Variants in ACYP2 observed in about 807,000 individuals in gnomAD.
ACYP2 encodes acylphosphatase 2.
ACYP2 carries 12 observed loss-of-function variants against 11.2 expected under a neutral mutation model. The observed-to-expected ratio is 1.08, with a 90% CI of 0.69 to 1.74. The LOEUF (loss-of-function observed/expected upper bound fraction) is 1.74. ACYP2 is among the 40% of genes most tolerant of loss of function. The pLI is 0.00. For synonymous variants in ACYP2, 43 were observed against 32.2 expected, an observed-to-expected ratio of 1.33 and a Z score of -1.13; for missense variants, 134 against 101.9, an observed-to-expected ratio of 1.31 and a Z score of -1.35.
intron 5 of ACYP2, 48 bp from the exon 3 acceptor site, chr2:54,138,591 C>T: frequency 6.8e-7 from 1 of 1,472,018 alleles, no homozygotes; most frequent in Non-Finnish European, 9.4e-7. Flanking sequence ...GTTATGAACT[C>T]AGACTTTTGA....
At chr2:54,147,482 T>A (rs1185145205) in intron 6 of ACYP2, among the ~76,000 whole-genome samples, 2 of 152,006 alleles carry the variant, frequency 1.3e-5, no homozygotes, top group Middle Eastern at 3.2e-3. Context: ...GTCTGTAACA[T>A]CCTTTGGTTT....
intron 2 of ACYP2, among the ~76,000 whole-genome samples, chr2:54,023,131 A>G (rs774404119): frequency 1.6e-4 from 25 of 152,222 alleles, no homozygotes; most frequent in Admixed American, 6.5e-5. Flanking sequence ...CCCAGCGTGC[A>G]TAGCCTCATA....
At chr2:54,245,084 A>T (rs843648) in intron 6 of ACYP2, among the ~76,000 whole-genome samples, 75,842 of 151,816 alleles carry the variant, frequency 0.5, 19,383 homozygotes, top group East Asian at 0.67. Context: ...TTTACTTCTA[A>T]GAGATTGGCT....
intron 6 of ACYP2, among the ~76,000 whole-genome samples, chr2:54,157,360 A>T (rs1682480295): frequency 6.6e-6 from 1 of 152,226 alleles, no homozygotes; most frequent in South Asian, 2.1e-4. Flanking sequence ...ACTGTATTGT[A>T]TATTGTGGAT....
rs1682742981 is a variant in ACYP2 at position 54,162,121 on chromosome 2, G to A, written c.404+23373G>A. Reference sequence around the variant, plus strand: ...AGTCATTTCTCAAATGCATCTTAAAGTTGTATTTTATCTCACAGTATTTAA... The same window carrying A: ...AGTCATTTCTCAAATGCATCTTAAAATTGTATTTTATCTCACAGTATTTAA... On this transcript the variant is annotated intron_variant, in intron 6 of 6. Transcript: ENST00000607452. Among the ~76,000 whole-genome samples, 4 of 152,078 alleles carry A rather than the reference G, an allele frequency of 2.6e-5. No individual in the cohort carries two copies. The South Asian group carries it at 8.3e-4, about 31-fold the overall frequency.
At chr2:54,243,489 TGTTC>T (rs923956032) in intron 6 of ACYP2, among the ~76,000 whole-genome samples, 8 of 152,072 alleles carry the variant, frequency 5.3e-5, no homozygotes, top group East Asian at 1.9e-4. Flanking sequence ...TTTATTTATT[TGTTC>T]ATTCATTCAT....
chr2:53,995,393 AT>A (rs1354417348), intron 2 of ACYP2, among the ~76,000 whole-genome samples: 16 of 152,056 alleles, frequency 1.1e-4, no homozygotes, highest in Non-Finnish European at 4.4e-5. Context: ...ACATTTCTTC[AT>A]TTTCTAGTGC....
At chr2:53,984,304 G>C (rs934962023) in intron 2 of ACYP2, among the ~76,000 whole-genome samples, 6 of 152,128 alleles carry the variant, frequency 3.9e-5, no homozygotes, top group African/African-American at 9.7e-5. Flanking sequence ...CTGGCCAGGC[G>C]AGGCAGCTTA....
chr2:54,023,441 A>G (rs1674108341), intron 2 of ACYP2, among the ~76,000 whole-genome samples: 1 of 152,072 alleles, frequency 6.6e-6, no homozygotes, highest in African/African-American at 2.4e-5. Context: ...AGCCTACCTG[A>G]TTTTTAGAGC....
In ACYP2 at chr2:54,185,504, C is replaced by A. The variant is rs186401702; in HGVS notation, c.404+46756C>A. Among the ~76,000 whole-genome samples the A allele has an allele frequency of 2.6e-5, 4 of 152,156 alleles. No homozygotes were observed. In the East Asian group the frequency reaches 7.7e-4, roughly 29 times the overall value. Reference sequence around the variant, plus strand: ...ATTGTTTAAGCCTCTTGGAATTGAGCTTTTGGTTATTTACCGCCTAAAGCA... The same window carrying A: ...ATTGTTTAAGCCTCTTGGAATTGAGATTTTGGTTATTTACCGCCTAAAGCA... On this transcript the variant is annotated intron_variant, in intron 6 of 6. Transcript: ENST00000607452.
chr2:53,985,060 T>C (rs543847762), intron 2 of ACYP2, among the ~76,000 whole-genome samples: 1 of 151,472 alleles, frequency 6.6e-6, no homozygotes, highest in African/African-American at 2.4e-5. Context: ...GGATTTAGCA[T>C]TTTTTCTTTC....
chr2:54,286,402 G>A (rs1265554558), intron 6 of ACYP2, among the ~76,000 whole-genome samples: 1 of 151,938 alleles, frequency 6.6e-6, no homozygotes, highest in Non-Finnish European at 1.5e-5. Context: ...AGCACCACCA[G>A]AAAGTCTAAA....
intron 6 of ACYP2, among the ~76,000 whole-genome samples, chr2:54,239,786 G>A (rs1686652367): frequency 6.6e-6 from 1 of 152,140 alleles, no homozygotes; most frequent in African/African-American, 2.4e-5. Flanking sequence ...TCTAAATAGA[G>A]GGCTCAGTTG....
At chr2:54,064,826 C>T (rs959300652) in intron 4 of ACYP2, among the ~76,000 whole-genome samples, 1 of 152,170 alleles carries the variant, frequency 6.6e-6, no homozygotes, top group Non-Finnish European at 1.5e-5. Flanking sequence ...TGGCTCACGC[C>T]TGTAATCCCA....
chr2:54,140,088 G>T (rs1409104742), intron 6 of ACYP2, among the ~76,000 whole-genome samples: 1 of 152,108 alleles, frequency 6.6e-6, no homozygotes, highest in African/African-American at 2.4e-5. Flanking sequence ...GGGTCCAAAA[G>T]TTCAGTTTCA....
At chr2:54,146,453 T>G (rs1350110265) in intron 6 of ACYP2, among the ~76,000 whole-genome samples, 1 of 150,832 alleles carries the variant, frequency 6.6e-6, no homozygotes, top group Non-Finnish European at 1.5e-5. Flanking sequence ...TTTTTTTTTT[T>G]TATTACAGAC....
chr2:54,027,837 C>CTTTCT (rs772573473), intron 2 of ACYP2, among the ~76,000 whole-genome samples: 4,143 of 98,464 alleles, frequency 0.042, 186 homozygotes, highest in African/African-American at 0.095. Flanking sequence ...TTCTTTCTTT[C>CTTTCT]TTTTTTTTTT....
chr2:54,255,416 G>C (rs17189743), intron 6 of ACYP2: 2 of 1,613,962 alleles, frequency 1.2e-6, no homozygotes, highest in Non-Finnish European at 8.5e-7. Context: ...GGGATATTGC[G>C]AATGATGTCA....
intron 6 of ACYP2, among the ~76,000 whole-genome samples, chr2:54,163,850 C>G (rs949445329): frequency 1.2e-4 from 18 of 151,744 alleles, no homozygotes; most frequent in Non-Finnish European, 2.2e-4. Context: ...GAGCAAAACT[C>G]TGTCTCAAAA....
Sources: allele counts gnomAD v4.1 joint callset (sites outside exome capture counted in the v4.1 genomes callset), GRCh38; gene constraint gnomAD v4.1.1; transcripts MANE v1.5; gene names NCBI Gene and HGNC (gene_info 2026-07-23, HGNC 2026-07-21).